USP54: variants seen among roughly 807,000 people sequenced by gnomAD.
USP54 encodes ubiquitin specific peptidase 54, also known as ubiquitin carboxyl-terminal hydrolase 54.
In USP54, 87 loss-of-function variants were observed where a neutral mutation model predicts 170.5. The ratio of observed to expected loss-of-function variants is 0.51; its 90% CI spans 0.43 to 0.61. The LOEUF (loss-of-function observed/expected upper bound fraction) is 0.61, where lower values mean the gene tolerates loss of function less well. Ranked by LOEUF, USP54 falls within the 20% of genes least tolerant of loss-of-function variation. The probability of loss-of-function intolerance (pLI) is 0.00; values close to 1 mark genes in which losing one functional copy is unlikely to be tolerated. For synonymous variants in USP54, 655 were observed against 742.8 expected, an observed-to-expected ratio of 0.88 and a Z score of 1.92; for missense variants, 1,786 against 2,047.8, an observed-to-expected ratio of 0.87 and a Z score of 2.47.
chr10:73,523,645 G>A lies in USP54; in HGVS notation c.2300C>T (p.Ala767Val). 1.2e-6 allele frequency: 2 copies of A among 1,613,432 alleles called. No individual in the cohort carries two copies. Among genetic ancestry groups the A allele is most frequent in the Non-Finnish European group, 1.7e-6 (2 of 1,179,546 alleles). The change falls in exon 17 of 24, where the codon GCA (alanine) becomes GTA (valine). Residue 767 changes from alanine (A) to valine (V), a missense_variant. This residue lies in a region of USP54 where 1,418 missense variants were observed against 1,569.0 expected (regional missense o/e 0.90). Coordinates refer to ENST00000687698, the MANE Select transcript of USP54 (RefSeq NM_001391956.1). ...LRRKREKELEAAKGFNPHPSR... is the reference protein window; with the variant it reads ...LRRKREKELEVAKGFNPHPSR... Reference sequence around the variant, plus strand: ...AGGATGAGGGTTAAACCCTTTCGCTGCCTCTAACTCCTTCTCCCGTTTTCT... The same window carrying A: ...AGGATGAGGGTTAAACCCTTTCGCTACCTCTAACTCCTTCTCCCGTTTTCT...
At chr10:73,518,408 T>C (rs1375568276) in intron 19 of USP54, among the ~76,000 whole-genome samples, 1 of 152,214 alleles carries the variant, frequency 6.6e-6, no homozygotes, top group African/African-American at 2.4e-5. Flanking sequence ...TTAGTTGGTT[T>C]CTCACTAATT....
intron 15 of USP54, among the ~76,000 whole-genome samples, chr10:73,528,879 T>C (rs892170425): frequency 2.6e-5 from 4 of 152,240 alleles, no homozygotes; most frequent in Admixed American, 6.5e-5. Context: ...GTTACTATAA[T>C]TGAAGGAAAT....
At chr10:73,516,352 C>G (rs1304926692) in intron 20 of USP54, 23 bp downstream of exon 20, 11 of 1,585,612 alleles carry the variant, frequency 6.9e-6, no homozygotes, top group African/African-American at 4.1e-5. Flanking sequence ...CCCCCTCCCC[C>G]CAACCCCTGG....
chr10:73,571,228 G>A (rs1433378528), intron 4 of USP54, among the ~76,000 whole-genome samples, 193 bp downstream of exon 4: 1 of 150,620 alleles, frequency 6.6e-6, no homozygotes, highest in Non-Finnish European at 1.5e-5. Context: ...AAAAGGTTCA[G>A]TAAAAGAGAC....
intron 1 of USP54, among the ~76,000 whole-genome samples, chr10:73,578,136 A>C (rs934645894): frequency 2.0e-5 from 3 of 152,214 alleles, no homozygotes; most frequent in Admixed American, 2.0e-4. Flanking sequence ...CAGGCTCTGA[A>C]TGGCAGTATT....
Position 73,551,603 on chromosome 10 carries a change from C to T in USP54, c.241-5931G>A, listed in dbSNP as rs112327722. On this transcript the variant is annotated intron_variant, in intron 4 of 23. Transcript: ENST00000687698. ...TACAAATTGCATAGTGGCCTGACGACATGATGATTTGTTGAAAGAAGGTCA... is the reference window on the plus strand; with the variant it reads ...TACAAATTGCATAGTGGCCTGACGATATGATGATTTGTTGAAAGAAGGTCA... 9.3e-3 allele frequency among the ~76,000 whole-genome samples: 1,411 copies of T among 152,270 alleles called. 12 individuals carry two copies. The highest frequency in any genetic ancestry group is 0.05 in the South Asian group (241 of 4,826).
rs1340478141 is a variant in USP54, at chr10:73,517,053, T to G, written c.3373A>C (p.Thr1125Pro). 2.5e-6 allele frequency: 4 copies of G among 1,614,094 alleles called. No individual in the cohort carries two copies. Among genetic ancestry groups the G allele is most frequent in the Admixed American group, 3.3e-5 (2 of 60,014 alleles). Residue 1125 changes from threonine (T) to proline (P), a missense_variant, in exon 20 of 24, where the codon ACA (threonine) becomes CCA (proline). By Grantham distance (38) the Thr-to-Pro change is conservative (BLOSUM62 -1). Around this residue, in one of 3 missense-constraint regions of USP54, gnomAD observed 1,418 missense variants for 1,569.0 expected, o/e 0.90. Coordinates refer to ENST00000687698, the MANE Select transcript of USP54 (RefSeq NM_001391956.1). The part of the protein sequence containing the change: ...EETYRPEFPS[T>P]KGLVRSLAEQ... ...GCCAGAGAACGGACAAGCCCCTTTG[T>G]GCTGGGAAACTCTGGCCTATAGGTC... is the stretch of plus-strand genomic sequence containing the variant.
At chr10:73,502,932 C>G (rs1589784982) in intron 22 of USP54, among the ~76,000 whole-genome samples, 1 of 152,152 alleles carries the variant, frequency 6.6e-6, no homozygotes, top group East Asian at 1.9e-4. Context: ...ATATCATTAT[C>G]TACCCATAAA....
At chr10:73,503,658 T>C (rs1405955362) in intron 22 of USP54, among the ~76,000 whole-genome samples, 1 of 152,228 alleles carries the variant, frequency 6.6e-6, no homozygotes, top group African/African-American at 2.4e-5. Flanking sequence ...AATGGCAGCC[T>C]GATCAGAATT....
chr10:73,555,760 C>G (rs7094804), intron 4 of USP54, among the ~76,000 whole-genome samples: 7,495 of 152,180 alleles, frequency 0.049, 567 homozygotes, highest in African/African-American at 0.16. Flanking sequence ...TGAAAGGGGA[C>G]ACCCTTCTGG....
At chr10:73,609,842 CA>C (rs879852354) in intron 1 of USP54, among the ~76,000 whole-genome samples, 4,431 of 63,832 alleles carry the variant, frequency 0.069, 114 homozygotes, top group East Asian at 0.18. Flanking sequence ...GATTCCGTCA[CA>C]AAAAAAAAAA....
intron 16 of USP54, 55 bp downstream of exon 16, chr10:73,526,592 C>A (rs1274679429): frequency 5.6e-6 from 9 of 1,604,960 alleles, no homozygotes; most frequent in Non-Finnish European, 7.7e-6. Flanking sequence ...AGTCTGGTCC[C>A]CAGACAAAAC....
At position 73,539,505 on chromosome 10, in the gene USP54, G is replaced by A; in HGVS notation, c.914C>T (p.Thr305Ile). The change falls in exon 10 of 24, where the codon ACA (threonine) becomes ATA (isoleucine). Residue 305 changes from threonine to isoleucine, a missense_variant. Transcript: ENST00000687698. Reference sequence around the variant, plus strand: ...GCGAATCTTTGTTTGAAAAAAGAATGTAGAATAATGTTTGCCATAGTAACA... The same window carrying A: ...GCGAATCTTTGTTTGAAAAAAGAATATAGAATAATGTTTGCCATAGTAACA... ...MICYYGKHYS[T>I]FFFQTKIRKW... 6.2e-7 allele frequency: 1 copy of A among 1,611,076 alleles called. No homozygotes were observed. Among genetic ancestry groups the A allele is most frequent in the Non-Finnish European group, 8.5e-7 (1 of 1,178,030 alleles).
rs947944056 is a variant in USP54 at position 73,618,584 on chromosome 10, A to C, written c.-18+6983T>G. 1.0e-4 allele frequency among the ~76,000 whole-genome samples: 15 copies of C among 149,618 alleles called. No individual in the cohort carries two copies. The East Asian group carries it at 2.9e-3, about 29-fold the overall frequency. On this transcript the variant is annotated intron_variant, in intron 1 of 22. Transcript: ENST00000339859. ...CATGGTGAAACCCCCTCTCTACTAA[A>C]AGTACAAAAATTAGCTGGGCATGGG...
In USP54 at chr10:73,609,295, A is replaced by G. The variant is rs899155555; in HGVS notation, c.-18+16272T>C. 2.6e-5 allele frequency among the ~76,000 whole-genome samples: 4 copies of G among 152,274 alleles called. No homozygotes were observed. The East Asian group carries it at 7.7e-4, about 29-fold the overall frequency. ...GCTCTGACTGGGGTCAACATCCAAG[A>G]CAGGATGTACCATCAAAGGAAATGG... On this transcript the variant is annotated intron_variant, in intron 1 of 22. Coordinates refer to the USP54 transcript ENST00000339859.
At chr10:73,531,117 G>A (rs1234604411) in intron 12 of USP54, among the ~76,000 whole-genome samples, 1 of 151,974 alleles carries the variant, frequency 6.6e-6, no homozygotes, top group African/African-American at 2.4e-5. Flanking sequence ...GACCAACATG[G>A]CAAAACCCTG....
At chr10:73,608,741 T>C (rs1231592544) in intron 1 of USP54, among the ~76,000 whole-genome samples, 1 of 151,734 alleles carries the variant, frequency 6.6e-6, no homozygotes, top group Non-Finnish European at 1.5e-5. Context: ...ACTAAAAATA[T>C]AAAAAATTAG....
intron 16 of USP54, among the ~76,000 whole-genome samples, chr10:73,526,321 C>T (rs1302137446): frequency 2.0e-5 from 3 of 152,232 alleles, no homozygotes; most frequent in Admixed American, 6.5e-5. Context: ...GATCTTGGCT[C>T]ACTGCAACCT....
At chr10:73,569,936 A>AAAAAAAAAAAAAAC (rs58317918) in intron 4 of USP54, among the ~76,000 whole-genome samples, 1 of 135,670 alleles carries the variant, frequency 7.4e-6, no homozygotes, top group African/African-American at 3.0e-5. Context: ...AAAAAAAAAA[A>AAAAAAAAAAAAAAC]AAAACACCCT....
Sources: allele counts gnomAD v4.1 joint callset (sites outside exome capture counted in the v4.1 genomes callset), GRCh38; gene constraint gnomAD v4.1.1; regional missense constraint gnomAD v4.1.1; transcripts MANE v1.5; gene names NCBI Gene and HGNC (gene_info 2026-07-23, HGNC 2026-07-21).